The following KRT34 variants were observed in gnomAD, a reference collection of about 807,000 sequenced individuals.
The protein encoded by KRT34 is keratin, type I cuticular Ha4.
A neutral mutation model predicts 41.7 loss-of-function variants in KRT34; 31 were observed. The ratio of observed to expected loss-of-function variants is 0.74; its 90% confidence interval spans 0.56 to 1.00. KRT34 has a LOEUF of 1.00. Among genes scored for constraint, KRT34 ranks in the 50% least tolerant of loss-of-function variants. KRT34 has a pLI of 0.00. For synonymous variants in KRT34, 224 were observed against 212.9 expected, an observed-to-expected ratio of 1.05 and a Z score of -0.45; for missense variants, 523 against 500.3, an observed-to-expected ratio of 1.05 and a Z score of -0.43.
upstream of KRT34, chr17:41,382,521 A>G: frequency 1.5e-6 from 1 of 677,734 alleles, no homozygotes; most frequent in Non-Finnish European, 2.5e-6. Flanking sequence ...GTGAAATCAG[A>G]GTTTCATCAG....
chr17:41,379,313 A>T (rs2017921118), intron 5 of KRT34, 40 bp downstream of exon 5: 1 of 1,612,936 alleles, frequency 6.2e-7, no homozygotes, highest in Admixed American at 1.7e-5. Context: ...TCTGCCTCCC[A>T]AGTTCCCATC....
upstream of KRT34, among the ~76,000 whole-genome samples, chr17:41,383,062 C>T (rs1030777482): frequency 2.0e-5 from 3 of 151,696 alleles, no homozygotes; most frequent in Admixed American, 6.6e-5. Flanking sequence ...CTCTGTCGCC[C>T]AGGCTGGAGT....
intron 5 of KRT34, 29 bp downstream of exon 5, chr17:41,379,324 G>A (rs368522782): frequency 1.1e-4 from 182 of 1,612,860 alleles, no homozygotes; most frequent in East Asian, 3.1e-4. Context: ...AGTTCCCATC[G>A]CTCACCAGCA....
In KRT34 at chr17:41,378,972, C is replaced by G; in HGVS notation, c.1081G>C (p.Glu361Gln). 6.2e-7 allele frequency: 1 copy of G among 1,614,210 alleles called. No individual in the cohort carries two copies. The highest frequency in any genetic ancestry group is 8.5e-7 in the Non-Finnish European group (1 of 1,180,032). ...CEINTYRSLLESEDCKLPCNP... is the reference protein window; with the variant it reads ...CEINTYRSLLQSEDCKLPCNP... ...CATACTCACTTGCAGTCCTCACTCT[C>G]CAGGAGGCTCCGGTACGTGTTGATC... is the stretch of plus-strand genomic sequence containing the variant. Residue 361 changes from glutamate (E) to glutamine (Q), a missense_variant, in exon 6 of 7, where the codon GAG becomes CAG. By Grantham distance (29) the Glu-to-Gln change is conservative. Transcript: ENST00000394001.
intron 3 of KRT34, among the ~76,000 whole-genome samples, chr17:41,380,367 C>T (rs889990521): frequency 3.3e-5 from 5 of 152,168 alleles, no homozygotes; most frequent in African/African-American, 9.7e-5. Flanking sequence ...CCCATAGAAA[C>T]GGAAACAACC....
intron 2 of KRT34, 30 bp downstream of exon 2, chr17:41,381,682 AG>A (rs773148078): frequency 6.3e-7 from 1 of 1,598,354 alleles, no homozygotes; most frequent in Admixed American, 1.7e-5. Context: ...GGGCCATGAA[AG>A]AACCATAGGG....
At chr17:41,382,328 T>C, upstream of KRT34, 3 of 1,613,374 alleles carry the variant, frequency 1.9e-6, no homozygotes, top group Non-Finnish European at 1.7e-6. Flanking sequence ...TCCTCTGCAG[T>C]CCTTTTATAC....
upstream of KRT34, chr17:41,382,371 A>G: frequency 1.9e-6 from 3 of 1,606,134 alleles, no homozygotes; most frequent in East Asian, 6.7e-5. Context: ...GGCATACAGC[A>G]TAGTTTCCTT....
In KRT34 at chr17:41,377,838, C is replaced by T; in HGVS notation, c.*221G>A. ...GGAGCTGAACATCTTTAGAAACAAACAGGCTCGACCCTCAACAGGAAGGAG... is the reference window on the plus strand; with the variant it reads ...GGAGCTGAACATCTTTAGAAACAAATAGGCTCGACCCTCAACAGGAAGGAG... On this transcript the variant is annotated 3_prime_UTR_variant, in exon 7 of 7. Transcript: ENST00000394001. 7.7e-6 allele frequency: 4 copies of T among 516,220 alleles called. No individual in the cohort carries two copies. The highest frequency in any genetic ancestry group is 5.0e-4 in the Middle Eastern group (1 of 1,984). 32.0% of individuals were successfully genotyped at this position (516,220 alleles called of 1,614,324 possible).
rs751649477 is a variant in KRT34 at position 41,379,738 on chromosome 17, G to C, written c.589-7C>G. The C allele has an allele frequency of 3.1e-6, 5 of 1,589,950 alleles. No individual in the cohort carries two copies. The highest frequency in any genetic ancestry group is 4.3e-6 in the Non-Finnish European group (5 of 1,169,310). On this transcript the variant is annotated splice_polypyrimidine_tract_variant and splice_region_variant and intron_variant, in intron 3 of 6. Transcript: ENST00000394001. ...AGCGCAGGGTGTTAACCTCCTGTTGGAGAAAAGGGAAACAATGAACCTACG... is the reference window on the plus strand; with the variant it reads ...AGCGCAGGGTGTTAACCTCCTGTTGCAGAAAAGGGAAACAATGAACCTACG...
At chr17:41,381,843 T>G (rs1266701719) in intron 1 of KRT34, 48 bp from the exon 2 acceptor site, 4 of 1,613,708 alleles carry the variant, frequency 2.5e-6, no homozygotes, top group Non-Finnish European at 3.4e-6. Flanking sequence ...TGAAAATGTC[T>G]TACTGTTCAA....
intron 3 of KRT34, 29 bp downstream of exon 3, chr17:41,381,027 A>C: frequency 6.2e-7 from 1 of 1,610,224 alleles, no homozygotes; most frequent in East Asian, 2.2e-5. Flanking sequence ...CTTAGTTCTG[A>C]GGCCTGCTTT....
intron 6 of KRT34, 124 bp from the exon 7 acceptor site, chr17:41,378,270 T>A (rs760815678): frequency 3.4e-5 from 23 of 683,352 alleles, no homozygotes; most frequent in Non-Finnish European, 5.7e-5. Flanking sequence ...AAGTTCTTTT[T>A]GTTTTGTTTT....
intron 3 of KRT34, among the ~76,000 whole-genome samples, chr17:41,380,739 G>A (rs1194343372): frequency 1.3e-5 from 2 of 152,166 alleles, no homozygotes; most frequent in Non-Finnish European, 2.9e-5. Context: ...TTTAAGAAAA[G>A]GGCCATGTCT....
chr17:41,378,609 C>A (rs888055677), intron 6 of KRT34, among the ~76,000 whole-genome samples: 12 of 152,158 alleles, frequency 7.9e-5, no homozygotes, highest in African/African-American at 2.9e-4. Flanking sequence ...TGATTACTAC[C>A]AAACCCTTCT....
upstream of KRT34, chr17:41,382,352 TG>T: frequency 6.2e-7 from 1 of 1,612,264 alleles, no homozygotes; most frequent in Non-Finnish European, 8.5e-7. Context: ...TAATTGTGGG[TG>T]GGGGCTTGGC....
chr17:41,380,441 T>A (rs960680239), intron 3 of KRT34, among the ~76,000 whole-genome samples: 11 of 152,150 alleles, frequency 7.2e-5, no homozygotes, highest in African/African-American at 2.7e-4. Context: ...TCGCTTCCCA[T>A]CACATCTTCA....
rs537372959 is a variant in KRT34 at position 41,382,163 on chromosome 17, G to A, written c.84C>T (p.Gly28=). 5 of 1,612,362 alleles carry A rather than the reference G, an allele frequency of 3.1e-6. No homozygotes were observed. The African/African-American group carries it at 5.3e-5, about 17-fold the overall frequency. Residue 28 remains glycine (G), a synonymous_variant, in exon 1 of 7, where the codon GGC becomes GGT. Coordinates refer to ENST00000394001, the MANE Select transcript of KRT34 (RefSeq NM_001386014.1). ...SRPCVPPSCH[G]YTLPGACNIP... ...TGTTGCAGGCCCCAGGCAGGGTGTA[G>A]CCGTGGCAGCTGGGGGGCACGCAGG...
intron 2 of KRT34, 123 bp downstream of exon 2, chr17:41,381,590 A>G: frequency 2.3e-6 from 2 of 872,578 alleles, no homozygotes; most frequent in Non-Finnish European, 3.5e-6. Context: ...CCTATTTGAA[A>G]CTAATTTTAC....
Sources: gnomAD v4.1 joint callset for allele counts (sites outside exome capture counted in the v4.1 genomes callset) on GRCh38, gnomAD v4.1.1 for gene constraint, MANE v1.5 for transcripts, NCBI Gene and HGNC (gene_info 2026-07-23, HGNC 2026-07-21) for gene names.